The following ACVR1C variants were observed in gnomAD, a reference collection of about 807,000 sequenced individuals.
ACVR1C encodes the protein activin A receptor type 1C.
A neutral mutation model predicts 57.9 loss-of-function variants in ACVR1C; 23 were observed. That is an observed-to-expected ratio of 0.40 (90% CI 0.29 to 0.56). ACVR1C has a LOEUF of 0.56. ACVR1C is among the 20% of genes least tolerant of loss of function. ACVR1C has a pLI of 0.50. For synonymous variants in ACVR1C, 214 were observed against 215.3 expected, an observed-to-expected ratio of 0.99 and a Z score of 0.05; for missense variants, 480 against 607.9, an observed-to-expected ratio of 0.79 and a Z score of 2.21.
chr2:157,603,669 C>T (rs953390628), intron 1 of ACVR1C, among the ~76,000 whole-genome samples: 1 of 152,022 alleles, frequency 6.6e-6, no homozygotes, highest in African/African-American at 2.4e-5. Context: ...CTGCAATTTC[C>T]TTTGCTAAGA....
chr2:157,622,078 A>G (rs975367307), intron 1 of ACVR1C, among the ~76,000 whole-genome samples: 7 of 152,146 alleles, frequency 4.6e-5, no homozygotes, highest in Non-Finnish European at 1.0e-4. Flanking sequence ...TTTGTGTATC[A>G]TTTATGAACA....
chr2:157,538,042 T>C (rs771554946), intron 8 of ACVR1C, among the ~76,000 whole-genome samples: 4 of 152,190 alleles, frequency 2.6e-5, no homozygotes, highest in Non-Finnish European at 5.9e-5. Context: ...TAATATTCTG[T>C]GTGGCAGAGA....
intron 1 of ACVR1C, among the ~76,000 whole-genome samples, chr2:157,613,048 G>A (rs1682567459): frequency 6.6e-6 from 1 of 152,196 alleles, no homozygotes; most frequent in Admixed American, 6.5e-5. Context: ...AGGTAGAGGA[G>A]CTCTCCCATG....
At chr2:157,577,907 G>T (rs906294983) in intron 2 of ACVR1C, among the ~76,000 whole-genome samples, 2 of 151,786 alleles carry the variant, frequency 1.3e-5, no homozygotes, top group Non-Finnish European at 2.9e-5. Context: ...TGGAAACAGG[G>T]TCTCATGCTC....
intron 1 of ACVR1C, among the ~76,000 whole-genome samples, chr2:157,597,012 G>C (rs904463538): frequency 1.3e-5 from 2 of 152,066 alleles, no homozygotes; most frequent in East Asian, 1.9e-4. Context: ...GGTAAGGGAC[G>C]GGGCAGGGGC....
At chr2:157,624,710 C>T (rs1682862308) in intron 1 of ACVR1C, among the ~76,000 whole-genome samples, 1 of 152,094 alleles carries the variant, frequency 6.6e-6, no homozygotes, top group Non-Finnish European at 1.5e-5. Context: ...AGTAACGGAG[C>T]TAGAACAGGC....
At chr2:157,608,289 A>G (rs1682452654) in intron 1 of ACVR1C, among the ~76,000 whole-genome samples, 1 of 151,974 alleles carries the variant, frequency 6.6e-6, no homozygotes, top group Admixed American at 6.6e-5. Context: ...TATAACATTT[A>G]TCAATTTGTA....
chr2:157,586,744 A>G (rs989392135), intron 2 of ACVR1C, among the ~76,000 whole-genome samples: 3 of 152,146 alleles, frequency 2.0e-5, no homozygotes, highest in African/African-American at 4.8e-5. Context: ...TGCAGAGGAT[A>G]TCCCTGAAAA....
At chr2:157,549,303 T>C (rs1687851889) in intron 4 of ACVR1C, among the ~76,000 whole-genome samples, 1 of 152,124 alleles carries the variant, frequency 6.6e-6, no homozygotes, top group Non-Finnish European at 1.5e-5. Context: ...AGGTGGAGGT[T>C]GCAGTGAGCT....
intron 2 of ACVR1C, among the ~76,000 whole-genome samples, chr2:157,567,558 A>G (rs1688424571): frequency 4.8e-5 from 1 of 20,892 alleles, no homozygotes; most frequent in Non-Finnish European, 9.4e-5. Flanking sequence ...CTCGAGAACT[A>G]CGTGAAGAAT....
chr2:157,623,679 C>A (rs1418580995), intron 1 of ACVR1C, among the ~76,000 whole-genome samples: 5 of 151,956 alleles, frequency 3.3e-5, no homozygotes, highest in Non-Finnish European at 7.4e-5. Flanking sequence ...TAGGACCTAC[C>A]ATTTGATAGC....
rs1473442062 is a variant in ACVR1C, at chr2:157,538,738, A to C, written c.1226-35T>G. 3.5e-6 allele frequency: 5 copies of C among 1,444,664 alleles called. No individual in the cohort carries two copies. In the East Asian group the frequency reaches 1.3e-4, roughly 37 times the overall value. 89.5% of individuals were successfully genotyped at this position (1,444,664 alleles called of 1,614,324 possible). A position where few individuals can be genotyped will look rare whatever the true frequency, so the allele number is the denominator to read the frequency against. On this transcript the variant is annotated intron_variant, in intron 7 of 8. Transcript: ENST00000243349. ...ATTTGTATAATAAATTTCCATGTGCAAATAATAAACAAACATGTCTATTTT... is the reference window on the plus strand; with the variant it reads ...ATTTGTATAATAAATTTCCATGTGCCAATAATAAACAAACATGTCTATTTT...
rs775081249 is a variant in ACVR1C, at chr2:157,538,608, G to A, written c.1321C>T (p.Arg441Ter). Residue 441 changes from arginine (R) to a stop codon, truncating the protein, a stop_gained, in exon 8 of 9, where the codon CGA becomes TGA. Coordinates refer to ENST00000243349, the MANE Select transcript of ACVR1C (RefSeq NM_145259.3). LOFTEE classifies it high-confidence loss of function. The part of the protein sequence containing the change: ...MRKVVCDQKF[R>*]PSIPNQWQSC... ...TGCCACTGGTTTGGGATACTTGGTC[G>A]AAACTTCTGGTCACAAACAACCTTT... is the stretch of plus-strand genomic sequence containing the variant. The A allele has an allele frequency of 6.3e-6, 10 of 1,578,840 alleles. No individual in the cohort carries two copies. The highest frequency in any genetic ancestry group is 1.2e-5 in the South Asian group (1 of 83,432).
intron 1 of ACVR1C, among the ~76,000 whole-genome samples, chr2:157,594,931 A>C (rs964128066): frequency 6.6e-6 from 1 of 152,278 alleles, no homozygotes; most frequent in Non-Finnish European, 1.5e-5. Flanking sequence ...AAGGACACGT[A>C]TGATGGCACA....
chr2:157,552,782 G>A (rs1687953124), intron 3 of ACVR1C, among the ~76,000 whole-genome samples: 1 of 152,168 alleles, frequency 6.6e-6, no homozygotes, highest in African/African-American at 2.4e-5. Flanking sequence ...ATTTGCTTTG[G>A]TATCTTTCAA....
At position 157,628,646 on chromosome 2, in the gene ACVR1C, G is replaced by T. The variant is rs1440830132; in HGVS notation, c.-2C>A. ...CGCTGAGCAGAGCGCCCGGGTCATC[G>T]CCACCAGGCGGCCGCGCCGGGGCTG... On this transcript the variant is annotated 5_prime_UTR_variant, in exon 1 of 9. Coordinates refer to ENST00000243349, the MANE Select transcript of ACVR1C (RefSeq NM_145259.3). 17 of 1,571,978 alleles carry T rather than the reference G, an allele frequency of 1.1e-5. No individual in the cohort carries two copies. The East Asian group carries it at 3.8e-4, about 35-fold the overall frequency.
chr2:157,542,597 G>A, intron 6 of ACVR1C, 109 bp downstream of exon 6: 1 of 1,262,052 alleles, frequency 7.9e-7, no homozygotes, highest in Non-Finnish European at 1.1e-6. Flanking sequence ...GGATTTCTTG[G>A]GCCCAGTGGT....
intron 2 of ACVR1C, among the ~76,000 whole-genome samples, chr2:157,562,236 A>T (rs889834813): frequency 6.6e-6 from 1 of 151,118 alleles, no homozygotes; most frequent in African/African-American, 2.4e-5. Flanking sequence ...TAGAGGTGGC[A>T]GTGAGCTGAA....
chr2:157,556,466 A>G, intron 2 of ACVR1C, 134 bp from the exon 3 acceptor site: 1 of 1,179,624 alleles, frequency 8.5e-7, no homozygotes, highest in Non-Finnish European at 1.2e-6. Context: ...TCATTGGTAA[A>G]GGCTCTCTGT....
Sources: allele counts gnomAD v4.1 joint callset (sites outside exome capture counted in the v4.1 genomes callset), GRCh38; gene constraint gnomAD v4.1.1; transcripts MANE v1.5; gene names NCBI Gene and HGNC (gene_info 2026-07-23, HGNC 2026-07-21).